CREBBP: variants seen among roughly 807,000 people sequenced by gnomAD.
CREBBP encodes the protein CREB binding lysine acetyltransferase, also known as CREB-binding protein.
A neutral mutation model predicts 265.0 loss-of-function variants in CREBBP; 19 were observed. That is an observed-to-expected ratio of 0.07 (90% confidence interval 0.05 to 0.11). The LOEUF (loss-of-function observed/expected upper bound fraction) is 0.11, where lower values mean the gene tolerates loss of function less well. CREBBP is among the 10% of genes least tolerant of loss of function. The pLI is 1.00. For synonymous variants in CREBBP, 1,457 were observed against 1,223.7 expected, an observed-to-expected ratio of 1.19 and a Z score of -3.98; for missense variants, 2,525 against 3,219.0, an observed-to-expected ratio of 0.78 and a Z score of 5.22.
rs540370049 is a variant in CREBBP at position 3,736,328 on chromosome 16, C to T, written c.4561-125G>A. On this transcript the variant is annotated intron_variant, in intron 27 of 30. Coordinates refer to ENST00000262367, the MANE Select transcript of CREBBP (RefSeq NM_004380.3). ...TGGCAGAGTCCCATGCATGTGTGCC[C>T]CCCCACCACAGTGCAGCAGACCCCC... 9 of 1,024,194 alleles carry T rather than the reference C, an allele frequency of 8.8e-6. No homozygotes were observed. In the Admixed American group the frequency reaches 1.7e-4, roughly 19 times the overall value. 63.4% of individuals were successfully genotyped at this position (1,024,194 alleles called of 1,614,324 possible).
intron 23 of CREBBP, chr16:3,741,626 G>A (rs2052210060): frequency 6.6e-6 from 1 of 150,954 alleles, no homozygotes; most frequent in South Asian, 2.1e-4. Flanking sequence ...CCAAAACGGA[G>A]AAACCCCATC....
chr16:3,780,197 G>A (rs1009330518), intron 8 of CREBBP, among the ~76,000 whole-genome samples: 3 of 145,244 alleles, frequency 2.1e-5, no homozygotes, highest in Non-Finnish European at 3.0e-5. Context: ...AGCTAAGACT[G>A]TGCCACTGCA....
intron 27 of CREBBP, 114 bp from the exon 28 acceptor site, chr16:3,736,317 G>A: frequency 9.0e-7 from 1 of 1,110,890 alleles, no homozygotes; most frequent in Non-Finnish European, 1.4e-6. Flanking sequence ...AGAGTCCCAT[G>A]CATGTGTGCC....
intron 1 of CREBBP, among the ~76,000 whole-genome samples, chr16:3,873,187 T>C (rs2055335428): frequency 6.6e-6 from 1 of 152,224 alleles, no homozygotes. Context: ...ATCACATACT[T>C]GTCTGCTGCT....
intron 18 of CREBBP, among the ~76,000 whole-genome samples, 157 bp downstream of exon 18, chr16:3,757,652 A>T (rs1322017489): frequency 6.6e-6 from 1 of 152,128 alleles, no homozygotes; most frequent in Non-Finnish European, 1.5e-5. Flanking sequence ...CCCAGCTCTG[A>T]TCACCCATCA....
chr16:3,774,783 G>C, intron 11 of CREBBP, 90 bp from the exon 12 acceptor site: 1 of 1,526,584 alleles, frequency 6.6e-7, no homozygotes, highest in Non-Finnish European at 9.0e-7. Flanking sequence ...AGTAAAATAA[G>C]ATGGAACGCA....
chr16:3,831,649 G>A (rs1168843321), intron 2 of CREBBP, among the ~76,000 whole-genome samples: 1 of 152,088 alleles, frequency 6.6e-6, no homozygotes, highest in Non-Finnish European at 1.5e-5. Context: ...AGATCAATGA[G>A]AGAAAAACAA....
Position 3,879,956 on chromosome 16 carries a change from C to T in CREBBP, c.-40G>A, listed in dbSNP as rs775054502. 6.3e-7 allele frequency: 1 copy of T among 1,585,756 alleles called. No homozygotes were observed. The highest frequency in any genetic ancestry group is 2.3e-5 in the East Asian group (1 of 43,814). On this transcript the variant is annotated 5_prime_UTR_variant, in exon 1 of 31. Transcript: ENST00000262367. The stretch of plus-strand genomic sequence containing the variant: ...GAAAACAGCCCCGGGCACGGGCGGC[C>T]GGGCCGGCGAGGGCCCGGACGGGGG...
intron 3 of CREBBP, among the ~76,000 whole-genome samples, chr16:3,802,114 A>ATTTTTTTTTTTTTTTTT (rs71133657): frequency 7.9e-5 from 4 of 50,582 alleles, no homozygotes; most frequent in East Asian, 7.5e-4. Flanking sequence ...GTATTCCTTA[A>ATTTTTTTTTTTTTTTTT]TTTTTTTTTT....
Position 3,726,359 on chromosome 16 carries a change from C to T in CREBBP, c.*1359G>A, listed in dbSNP as rs946246645. 5 of 233,158 alleles carry T rather than the reference C, an allele frequency of 2.1e-5. No homozygotes were observed. Among genetic ancestry groups the T allele is most frequent in the African/African-American group, 1.1e-4 (5 of 45,296 alleles). 14.4% of individuals were successfully genotyped at this position (233,158 alleles called of 1,614,324 possible). On this transcript the variant is annotated 3_prime_UTR_variant, in exon 31 of 31. Coordinates refer to ENST00000262367, the MANE Select transcript of CREBBP (RefSeq NM_004380.3). ...GTTTCAGACCAACTGACGACCCTAA[C>T]TGTGTGAGCGACAATCACCTGTGAG...
chr16:3,782,578 T>C (rs1235720870), intron 6 of CREBBP, 106 bp downstream of exon 6: 4 of 1,429,190 alleles, frequency 2.8e-6, no homozygotes, highest in South Asian at 1.3e-5. Context: ...TCAACCACCG[T>C]AGTAAAAAAC....
chr16:3,791,019 A>G (rs1462155292), intron 5 of CREBBP, among the ~76,000 whole-genome samples: 3 of 152,186 alleles, frequency 2.0e-5, no homozygotes, highest in Admixed American at 6.5e-5. Context: ...CACGTAATAC[A>G]CAAAACAGGG....
Position 3,793,680 on chromosome 16 carries a change from T to A in CREBBP, c.976-54A>T, listed in dbSNP as rs1018971809. 5.7e-6 allele frequency: 9 copies of A among 1,582,280 alleles called. No individual in the cohort carries two copies. The African/African-American group carries it at 8.1e-5, about 14-fold the overall frequency. ...TTTAACCTCTCAGAGTTCCAAGTCA[T>A]ATTCATTAATTATTTCTCAAACAAA... On this transcript the variant is annotated intron_variant, in intron 3 of 30. Coordinates refer to ENST00000262367, the MANE Select transcript of CREBBP (RefSeq NM_004380.3).
chr16:3,818,246 G>C (rs1385298405), intron 2 of CREBBP, among the ~76,000 whole-genome samples: 1 of 152,044 alleles, frequency 6.6e-6, no homozygotes, highest in Non-Finnish European at 1.5e-5. Context: ...GAGTCGGCCA[G>C]GCCATCAGAA....
At chr16:3,857,978 G>A (rs527434727) in intron 1 of CREBBP, among the ~76,000 whole-genome samples, 1 of 152,296 alleles carries the variant, frequency 6.6e-6, no homozygotes, top group East Asian at 1.9e-4. Flanking sequence ...GCCAAACTCA[G>A]CCAGCCTCAG....
intron 11 of CREBBP, among the ~76,000 whole-genome samples, chr16:3,776,445 G>A (rs1326861255): frequency 6.6e-6 from 1 of 152,170 alleles, no homozygotes; most frequent in Non-Finnish European, 1.5e-5. Context: ...TTTCAAGGTT[G>A]TTGAGACAGC....
intron 10 of CREBBP, 168 bp downstream of exon 10, chr16:3,777,843 G>C (rs2053180717): frequency 9.4e-7 from 1 of 1,068,794 alleles, no homozygotes; most frequent in South Asian, 1.3e-5. Flanking sequence ...GAGAAACTCA[G>C]TGTCCCAACA....
chr16:3,734,167 C>T (rs1163709622), intron 28 of CREBBP, among the ~76,000 whole-genome samples: 8 of 152,202 alleles, frequency 5.3e-5, no homozygotes, highest in South Asian at 4.1e-4. Flanking sequence ...CTGACACTAT[C>T]GCGAGCCTTT....
intron 1 of CREBBP, among the ~76,000 whole-genome samples, chr16:3,870,193 C>T (rs2055265698): frequency 6.6e-6 from 1 of 152,008 alleles, no homozygotes; most frequent in African/African-American, 2.4e-5. Flanking sequence ...ACAGTAATCT[C>T]CATTAAAAGA....
Sources: gnomAD v4.1 joint callset for allele counts (sites outside exome capture counted in the v4.1 genomes callset) on GRCh38, gnomAD v4.1.1 for gene constraint, MANE v1.5 for transcripts, NCBI Gene and HGNC (gene_info 2026-07-23, HGNC 2026-07-21) for gene names.